Variants in ARL15 observed in about 807,000 individuals in gnomAD.
ARL15 encodes ARF like GTPase 15, also known as ADP-ribosylation factor-like protein 15.
In ARL15, 19 loss-of-function variants were observed where a neutral mutation model predicts 25.2. That is an observed-to-expected ratio of 0.75 (90% CI 0.53 to 1.10). The LOEUF (loss-of-function observed/expected upper bound fraction) is 1.10. ARL15 is among the 50% of genes least tolerant of loss of function. The pLI is 0.00. For synonymous variants in ARL15, 94 were observed against 86.8 expected (o/e 1.08, Z -0.46); for missense variants, 220 against 246.0 (o/e 0.89, Z 0.71).
intron 3 of ARL15, among the ~76,000 whole-genome samples, chr5:54,152,099 G>A (rs1754085184): frequency 6.6e-6 from 1 of 152,118 alleles, no homozygotes; most frequent in African/African-American, 2.4e-5. Flanking sequence ...TTGACAATGT[G>A]ATTGAACTCT....
chr5:53,964,703 T>A (rs569286432), intron 4 of ARL15, among the ~76,000 whole-genome samples: 1 of 152,224 alleles, frequency 6.6e-6, no homozygotes, highest in African/African-American at 2.4e-5. Flanking sequence ...CCAAAATTCA[T>A]AGGCTCCCTG....
intron 3 of ARL15, among the ~76,000 whole-genome samples, chr5:54,152,294 TCCCCTTCATATCTAGC>T: frequency 6.6e-6 from 1 of 152,166 alleles, no homozygotes. Context: ...TTTGGGATGA[TCCCCTTCATATCTAGC>T]ATACACGTTA....
At chr5:54,289,689 C>T (rs1408280355) in intron 1 of ARL15, among the ~76,000 whole-genome samples, 1 of 152,158 alleles carries the variant, frequency 6.6e-6, no homozygotes, top group African/African-American at 2.4e-5. Context: ...TTTGTAGGAG[C>T]TTGGGCAAGT....
chr5:54,017,729 A>G (rs538667978), intron 4 of ARL15, among the ~76,000 whole-genome samples: 343 of 152,234 alleles, frequency 2.3e-3, no homozygotes, highest in African/African-American at 7.6e-3. Context: ...AGTTTTTAAA[A>G]GGCCTCCTTT....
intron 4 of ARL15, among the ~76,000 whole-genome samples, chr5:54,013,591 C>T (rs145255112): frequency 7.2e-4 from 110 of 152,264 alleles, no homozygotes; most frequent in Non-Finnish European, 1.3e-3. Context: ...CTATAAGGCA[C>T]CAGAGGTCAC....
At chr5:54,271,058 T>G (rs920249453) in intron 1 of ARL15, among the ~76,000 whole-genome samples, 7 of 152,130 alleles carry the variant, frequency 4.6e-5, no homozygotes. Context: ...GACTCCAAGG[T>G]TTACATCAGT....
intron 1 of ARL15, among the ~76,000 whole-genome samples, chr5:54,267,431 T>G (rs1043793436): frequency 2.0e-5 from 3 of 152,240 alleles, no homozygotes; most frequent in African/African-American, 7.2e-5. Context: ...AATTGTTTGT[T>G]TCAGCATCCT....
intron 4 of ARL15, among the ~76,000 whole-genome samples, chr5:54,048,538 G>C (rs1020420218): frequency 6.7e-6 from 1 of 149,928 alleles, no homozygotes; most frequent in African/African-American, 2.5e-5. Flanking sequence ...AAGTAGTTGG[G>C]ATTTACAGGC....
intron 4 of ARL15, among the ~76,000 whole-genome samples, chr5:54,048,557 C>T (rs1378906805): frequency 7.2e-6 from 1 of 138,312 alleles, no homozygotes; most frequent in Admixed American, 7.1e-5. Context: ...GCACCTGCCA[C>T]CACACCTGGC....
At chr5:54,151,021 A>G (rs1450202592) in intron 3 of ARL15, among the ~76,000 whole-genome samples, 1 of 152,140 alleles carries the variant, frequency 6.6e-6, no homozygotes, top group Non-Finnish European at 1.5e-5. Context: ...GACTGATACC[A>G]ACCTCCGGCT....
intron 4 of ARL15, among the ~76,000 whole-genome samples, chr5:53,902,741 G>A (rs756024828): frequency 6.6e-6 from 1 of 152,144 alleles, no homozygotes; most frequent in East Asian, 1.9e-4. Flanking sequence ...CAATGGCCCC[G>A]TCCAGATGCA....
intron 1 of ARL15, among the ~76,000 whole-genome samples, chr5:54,228,010 A>G (rs375294031): frequency 1.4e-4 from 22 of 152,320 alleles, no homozygotes; most frequent in African/African-American, 4.3e-4. Context: ...CAAGAGAAAG[A>G]CAAGATAGAA....
At chr5:53,998,859 C>T (rs1399983166) in intron 4 of ARL15, among the ~76,000 whole-genome samples, 1 of 152,092 alleles carries the variant, frequency 6.6e-6, no homozygotes. Context: ...CAGGGCAACA[C>T]CAACCAAAAG....
intron 1 of ARL15, among the ~76,000 whole-genome samples, chr5:54,221,389 A>T (rs959961910): frequency 1.3e-5 from 2 of 152,244 alleles, no homozygotes; most frequent in African/African-American, 4.8e-5. Context: ...ATAGTTGAAG[A>T]GGGATTTGCT....
At chr5:54,155,680 T>TGACACA (rs71600806) in intron 2 of ARL15, among the ~76,000 whole-genome samples, 1 of 149,940 alleles carries the variant, frequency 6.7e-6, no homozygotes, top group Non-Finnish European at 1.5e-5. Context: ...ATATACCCAT[T>TGACACA]CACACACACA....
chr5:53,925,817 C>A (rs749377931), intron 4 of ARL15, among the ~76,000 whole-genome samples: 1 of 151,708 alleles, frequency 6.6e-6, no homozygotes. Flanking sequence ...TTAAAAAAAA[C>A]CAAAATAATA....
intron 1 of ARL15, among the ~76,000 whole-genome samples, chr5:54,253,023 C>A (rs1757276430): frequency 1.3e-5 from 2 of 151,970 alleles, no homozygotes; most frequent in Non-Finnish European, 2.9e-5. Context: ...TCATGCCTGG[C>A]CCAGAGGTCA....
intron 4 of ARL15, among the ~76,000 whole-genome samples, chr5:54,070,892 G>T (rs1396270650): frequency 6.6e-6 from 1 of 151,960 alleles, no homozygotes; most frequent in East Asian, 1.9e-4. Context: ...TTCTTGGCCA[G>T]GTGCAATGGC....
chr5:53,991,562 G>A (rs2646938), intron 4 of ARL15, among the ~76,000 whole-genome samples: 495 of 28,424 alleles, frequency 0.017, 23 homozygotes, highest in East Asian at 0.095. Context: ...AAAAAAAAAA[G>A]GGGGGGCGGG....
Sources: allele counts gnomAD v4.1 joint callset (sites outside exome capture counted in the v4.1 genomes callset), GRCh38; gene constraint gnomAD v4.1.1; transcripts MANE v1.5; gene names NCBI Gene and HGNC (gene_info 2026-07-23, HGNC 2026-07-21).